Variants in PLCH2 observed in about 807,000 individuals in gnomAD.
PLCH2 encodes phospholipase C eta 2.
PLCH2 carries 98 observed loss-of-function variants against 134.7 expected under a neutral mutation model. The ratio of observed to expected loss-of-function variants is 0.73; its 90% CI spans 0.62 to 0.86. PLCH2 has a LOEUF of 0.86. PLCH2 is among the 40% of genes least tolerant of loss of function. The pLI is 0.00. For missense variants in PLCH2, 1,994 were observed against 1,986.6 expected (o/e 1.00, Z -0.07); for synonymous variants, 974 against 827.5 (o/e 1.18, Z -3.04).
In PLCH2 at chr1:2,444,117, C is replaced by A. The variant is rs924883187; in HGVS notation, c.115+13488C>A. On this transcript the variant is annotated intron_variant, in intron 2 of 3. Transcript: ENST00000609981. This position sits in a 1 kb window ranked among gnomAD's most constrained non-coding sequence, Gnocchi z 4.6. ...GAGGCTCGGATCGCGGTGGCACGGG[C>A]AGGGGTGCGGGCGCGGGACTGTGGG... 3.3e-5 allele frequency among the ~76,000 whole-genome samples: 5 copies of A among 151,962 alleles called. No individual in the cohort carries two copies. The highest frequency in any genetic ancestry group is 7.4e-5 in the Non-Finnish European group (5 of 67,962).
At position 2,498,883 on chromosome 1, in the gene PLCH2, G is replaced by A; in HGVS notation, c.2434+55G>A. ...TGTGATGGAAGTCTGAGGGGGGAGG[G>A]TTGGGGCTACCTGGTGTGCCCGGGT... On this transcript the variant is annotated intron_variant, in intron 18 of 21. Coordinates refer to ENST00000378486, the MANE Select transcript of PLCH2 (RefSeq NM_014638.4). The surrounding 1 kb of genome is among the most constrained non-coding windows in gnomAD (Gnocchi z 5.4). 2 of 1,462,832 alleles carry A rather than the reference G, an allele frequency of 1.4e-6. No individual in the cohort carries two copies. The highest frequency in any genetic ancestry group is 1.9e-6 in the Non-Finnish European group (2 of 1,058,980). 90.6% of individuals were successfully genotyped at this position (1,462,832 alleles called of 1,614,324 possible).
chr1:2,502,054 G>A, intron 20 of PLCH2, 58 bp from the exon 21 acceptor site: 1 of 1,369,604 alleles, frequency 7.3e-7, no homozygotes. Flanking sequence ...CCCTGGGGGA[G>A]CAGCTGCAGC....
intron 20 of PLCH2, chr1:2,501,059 A>G (rs1643198623): frequency 6.6e-6 from 1 of 151,834 alleles, no homozygotes; most frequent in Non-Finnish European, 1.5e-5. Flanking sequence ...CGGCGCTCCG[A>G]GCCAGAATCC....
the PLCH2 span, among the ~76,000 whole-genome samples, chr1:2,418,096 G>A: frequency 6.6e-6 from 1 of 152,234 alleles, no homozygotes; most frequent in Non-Finnish European, 1.5e-5. Context: ...TGGAGTCAGC[G>A]CAGTGAAGAC....
intron 19 of PLCH2, 114 bp downstream of exon 19, chr1:2,499,344 A>G: frequency 7.9e-7 from 1 of 1,263,028 alleles, no homozygotes; most frequent in Non-Finnish European, 1.1e-6. Flanking sequence ...CCTGGCACCA[A>G]AGAGACAGGA....
At chr1:2,483,464 G>A (rs1307964266) in intron 4 of PLCH2, among the ~76,000 whole-genome samples, 1 of 152,194 alleles carries the variant, frequency 6.6e-6, no homozygotes, top group Non-Finnish European at 1.5e-5. Flanking sequence ...TCTTTGAAGA[G>A]CAGGGCTAGG....
the PLCH2 span, among the ~76,000 whole-genome samples, chr1:2,419,226 G>C: frequency 6.6e-6 from 1 of 152,156 alleles, no homozygotes; most frequent in Non-Finnish European, 1.5e-5. Flanking sequence ...CTGCACGGTC[G>C]AGCTTCAATC....
rs535411293 is a variant in PLCH2 at position 2,478,397 on chromosome 1, G to A, written c.125-79G>A. On this transcript the variant is annotated intron_variant, in intron 1 of 21. Transcript: ENST00000378486. The stretch of plus-strand genomic sequence containing the variant: ...CGTGTTTCTCCCGTGAGGAGTGGCC[G>A]TGCCTCCGCTGACGGCCGTGTCTCT... 76 of 1,545,026 alleles carry A rather than the reference G, an allele frequency of 4.9e-5. 1 individual carries two copies. Among genetic ancestry groups the A allele is most frequent in the South Asian group, 2.5e-4 (22 of 87,748 alleles).
At chr1:2,483,831 T>TC (rs1642119407) in intron 4 of PLCH2, among the ~76,000 whole-genome samples, 2 of 70,652 alleles carry the variant, frequency 2.8e-5, no homozygotes, top group Admixed American at 1.4e-4. Context: ...GACCCCCGTG[T>TC]GGGGGTGGCG....
chr1:2,488,890 C>G (rs983451386), intron 8 of PLCH2, among the ~76,000 whole-genome samples: 1 of 152,238 alleles, frequency 6.6e-6, no homozygotes, highest in Non-Finnish European at 1.5e-5. Context: ...AAAACCATGA[C>G]TTTTTCAAAC....
At chr1:2,436,982 G>C (rs1639453349) in intron 2 of PLCH2, among the ~76,000 whole-genome samples, 1 of 152,200 alleles carries the variant, frequency 6.6e-6, no homozygotes, top group Non-Finnish European at 1.5e-5. Flanking sequence ...TGAGCATGGG[G>C]ACCTGAGGTG....
intron 21 of PLCH2, 59 bp downstream of exon 21, chr1:2,502,468 C>A: frequency 2.0e-6 from 3 of 1,480,396 alleles, no homozygotes; most frequent in Non-Finnish European, 2.8e-6. Context: ...CCCCGCGTGT[C>A]CTGGACGGCC....
chr1:2,456,148 C>A (rs1286009493), intron 2 of PLCH2, among the ~76,000 whole-genome samples: 1 of 152,188 alleles, frequency 6.6e-6, no homozygotes, highest in Admixed American at 6.5e-5. Flanking sequence ...AGAGGGGAGG[C>A]CCAGCTTGTC....
Position 2,496,667 on chromosome 1 carries a change from C to T in PLCH2, c.1896C>T (p.Tyr632=), listed in dbSNP as rs1356986517. 1.9e-6 allele frequency: 3 copies of T among 1,612,276 alleles called. No individual in the cohort carries two copies. The highest frequency in any genetic ancestry group is 2.2e-5 in the East Asian group (1 of 44,828). Residue 632 remains tyrosine (Y), a synonymous_variant, in exon 14 of 22, where the codon TAC becomes TAT. Coordinates refer to ENST00000378486, the MANE Select transcript of PLCH2 (RefSeq NM_014638.4). ...LSRALSDLVK[Y]TKSVATHDIE... ...GGGCCCTCTCTGACCTGGTGAAGTACACCAAGTCCGTGGCCACCCACGACA... is the reference window on the plus strand; with the variant it reads ...GGGCCCTCTCTGACCTGGTGAAGTATACCAAGTCCGTGGCCACCCACGACA...
chr1:2,434,080 C>T (rs1388263409), intron 2 of PLCH2, among the ~76,000 whole-genome samples: 2 of 152,228 alleles, frequency 1.3e-5, no homozygotes, highest in African/African-American at 2.4e-5. Flanking sequence ...GCGGGTCTCC[C>T]GTTGTTTCCT....
At chr1:2,453,598 G>C (rs867249488) in intron 2 of PLCH2, among the ~76,000 whole-genome samples, 1 of 152,134 alleles carries the variant, frequency 6.6e-6, no homozygotes. Context: ...ATTGCCCAGG[G>C]CCACCCCCCT....
rs1558042018 is a variant in PLCH2 at position 2,504,152 on chromosome 1, GCCGGCGGGGCATACGAGAGGGCCC to G, written c.3196_3219del (p.Gly1066_Gly1073del). On this transcript the variant is annotated inframe_deletion, in exon 22 of 22. Coordinates refer to ENST00000378486, the MANE Select transcript of PLCH2 (RefSeq NM_014638.4). The stretch of plus-strand genomic sequence containing the variant: ...GCCTCGGCCGTGCAACGGCGAGGGC[GCCGGCGGGGCATACGAGAGGGCCC>G]CCGGCAGCCAGACGGACGGCAGGAG... 3 of 1,522,936 alleles carry G rather than the reference GCCGGCGGGGCATACGAGAGGGCCC, an allele frequency of 2.0e-6. No homozygotes were observed. Among genetic ancestry groups the G allele is most frequent in the South Asian group, 2.5e-5 (2 of 81,512 alleles). The allele number at this position is 1,522,936 out of a possible 1,614,324, so 94.3% of individuals were successfully genotyped here.
chr1:2,444,474 G>T lies in PLCH2; in HGVS notation c.115+13845G>T, dbSNP rs1231850482. On this transcript the variant is annotated intron_variant, in intron 2 of 3. Transcript: ENST00000609981. The surrounding 1 kb of genome is among the most constrained non-coding windows in gnomAD (Gnocchi z 4.6). ...GCAGCGGGCACTGCCCGGGCAGGCG[G>T]GAGCTCCGGAGGCCCTGGGGCGGCC... Among the ~76,000 whole-genome samples the T allele has an allele frequency of 1.3e-5, 2 of 152,192 alleles. No homozygotes were observed. Among genetic ancestry groups the T allele is most frequent in the African/African-American group, 4.8e-5 (2 of 41,454 alleles).
upstream of PLCH2, among the ~76,000 whole-genome samples, chr1:2,463,324 C>T (rs909146005): frequency 5.3e-5 from 8 of 152,330 alleles, no homozygotes; most frequent in East Asian, 1.9e-4. Context: ...GGGGGCCCGT[C>T]GAACTCAGAC....
Sources: gnomAD v4.1 joint callset for allele counts (sites outside exome capture counted in the v4.1 genomes callset) on GRCh38, gnomAD v4.1.1 for gene constraint, Gnocchi (gnomAD v3.1) non-coding constraint, MANE v1.5 for transcripts, NCBI Gene and HGNC (gene_info 2026-07-23, HGNC 2026-07-21) for gene names.